SGCZ: variants seen among roughly 807,000 people sequenced by gnomAD.
SGCZ encodes zeta-sarcoglycan.
In SGCZ, 40 loss-of-function variants were observed where a neutral mutation model predicts 41.3. The observed-to-expected ratio is 0.97, with a 90% confidence interval of 0.75 to 1.26. The LOEUF is 1.26. SGCZ is among the 50% of genes most tolerant of loss of function. The pLI is 0.00. For synonymous variants in SGCZ, 206 were observed against 137.5 expected (o/e 1.50, Z -3.49); for missense variants, 552 against 369.8 (o/e 1.49, Z -4.04).
chr8:14,171,672 T>C (rs1303406198), intron 4 of SGCZ, among the ~76,000 whole-genome samples: 2 of 152,086 alleles, frequency 1.3e-5, no homozygotes, highest in Non-Finnish European at 2.9e-5. Context: ...TATTATCTCA[T>C]TAAAATGTTA....
intron 1 of SGCZ, among the ~76,000 whole-genome samples, chr8:15,083,663 C>T (rs2131049703): frequency 6.6e-6 from 1 of 152,306 alleles, no homozygotes; most frequent in South Asian, 2.1e-4. Context: ...ATCCTCCCAC[C>T]TCAGCCTCCA....
intron 1 of SGCZ, among the ~76,000 whole-genome samples, chr8:14,726,311 C>CATATATATAT (rs1202306930): frequency 0.078 from 8,341 of 106,450 alleles, 603 homozygotes; most frequent in Non-Finnish European, 0.11. Context: ...TGTGTAAATA[C>CATATATATAT]ATATATATAT....
At chr8:14,470,199 G>A (rs73188284) in intron 2 of SGCZ, among the ~76,000 whole-genome samples, 1,832 of 152,072 alleles carry the variant, frequency 0.012, 21 homozygotes, top group Non-Finnish European at 0.02. Flanking sequence ...TTCTCGCAAC[G>A]TTTGGTAACA....
intron 2 of SGCZ, among the ~76,000 whole-genome samples, chr8:14,494,179 T>A (rs1220867810): frequency 2.0e-5 from 3 of 152,090 alleles, no homozygotes; most frequent in African/African-American, 7.2e-5. Context: ...CACAGAAAAA[T>A]TTGGTGTTTA....
intron 1 of SGCZ, among the ~76,000 whole-genome samples, chr8:14,801,917 C>A (rs1801333474): frequency 6.6e-6 from 1 of 152,154 alleles, no homozygotes; most frequent in African/African-American, 2.4e-5. Context: ...GAAATCAAAT[C>A]CCAATCATAG....
chr8:15,211,709 T>C (rs914922784), intron 1 of SGCZ, among the ~76,000 whole-genome samples: 2 of 152,172 alleles, frequency 1.3e-5, no homozygotes, highest in East Asian at 3.9e-4. Context: ...GGACTGGTTC[T>C]AGTAATTATT....
intron 1 of SGCZ, among the ~76,000 whole-genome samples, chr8:14,923,463 T>C (rs1799650644): frequency 6.6e-6 from 1 of 152,196 alleles, no homozygotes; most frequent in South Asian, 2.1e-4. Flanking sequence ...TGAACTGAAA[T>C]GGTTCCCATA....
chr8:14,416,967 G>C (rs1040602824), intron 2 of SGCZ, among the ~76,000 whole-genome samples: 2 of 151,792 alleles, frequency 1.3e-5, no homozygotes, highest in Non-Finnish European at 2.9e-5. Context: ...CCAACATAAG[G>C]CAGGGTTATG....
intron 1 of SGCZ, among the ~76,000 whole-genome samples, chr8:14,768,201 CTT>C (rs1234412895): frequency 2.6e-5 from 4 of 152,190 alleles, no homozygotes; most frequent in Admixed American, 1.3e-4. Context: ...ACATTTCTGA[CTT>C]TATAAAATCC....
Position 14,088,104 on chromosome 8 carries a change from T to C in SGCZ, c.*2339A>G, listed in dbSNP as rs935372637. On this transcript the variant is annotated 3_prime_UTR_variant, in exon 8 of 8. Coordinates refer to ENST00000382080, the MANE Select transcript of SGCZ (RefSeq NM_139167.4). ...TTTCATCTTTTCTCCTCTTATGACA[T>C]ATAATTTAAAATTTCATTTTTCTCT... Among the ~76,000 whole-genome samples, 1 of 151,790 alleles carries C rather than the reference T, an allele frequency of 6.6e-6. No individual in the cohort carries two copies. Among genetic ancestry groups the C allele is most frequent in the African/African-American group, 2.4e-5 (1 of 41,412 alleles).
intron 5 of SGCZ, among the ~76,000 whole-genome samples, chr8:14,144,478 C>T (rs1803463285): frequency 6.6e-6 from 1 of 152,140 alleles, no homozygotes; most frequent in African/African-American, 2.4e-5. Flanking sequence ...TAGCAATACC[C>T]AGGAACTATG....
At chr8:15,187,702 T>G (rs1449032262) in intron 1 of SGCZ, among the ~76,000 whole-genome samples, 1 of 152,056 alleles carries the variant, frequency 6.6e-6, no homozygotes, top group Non-Finnish European at 1.5e-5. Flanking sequence ...CTTAAAAAAT[T>G]ATTTCTATTT....
rs1042629344 is a variant in SGCZ, at chr8:14,086,631, C to T, written c.*3812G>A. Among the ~76,000 whole-genome samples the T allele has an allele frequency of 3.3e-5, 5 of 151,550 alleles. No individual in the cohort carries two copies. The highest frequency in any genetic ancestry group is 4.8e-5 in the African/African-American group (2 of 41,356). ...CTAAACAGTCATTTTGAATAAGATC[C>T]AAATGCATTATTTTCCTTTTTAACG... On this transcript the variant is annotated 3_prime_UTR_variant, in exon 8 of 8. Transcript: ENST00000382080.
intron 1 of SGCZ, among the ~76,000 whole-genome samples, chr8:14,852,892 C>T (rs73201278): frequency 0.024 from 3,669 of 152,224 alleles, 64 homozygotes; most frequent in South Asian, 0.056. Flanking sequence ...TCTCCTGAAG[C>T]GTTAGCTCCT....
intron 2 of SGCZ, among the ~76,000 whole-genome samples, chr8:14,482,223 C>G (rs1801553752): frequency 6.6e-6 from 1 of 152,180 alleles, no homozygotes; most frequent in Non-Finnish European, 1.5e-5. Context: ...GGGTAACCAC[C>G]TTGAGCTGTG....
chr8:14,408,074 A>T (rs1799260244), intron 2 of SGCZ, among the ~76,000 whole-genome samples: 1 of 152,172 alleles, frequency 6.6e-6, no homozygotes, highest in Non-Finnish European at 1.5e-5. Flanking sequence ...ATGGGAATTC[A>T]CTTCCTTTTC....
intron 2 of SGCZ, among the ~76,000 whole-genome samples, chr8:14,355,548 A>G (rs1411239976): frequency 6.6e-6 from 1 of 152,052 alleles, no homozygotes; most frequent in Non-Finnish European, 1.5e-5. Flanking sequence ...GTTAATTTGT[A>G]AAACTCAATA....
intron 1 of SGCZ, among the ~76,000 whole-genome samples, chr8:15,119,254 G>A (rs971650172): frequency 1.3e-5 from 2 of 152,060 alleles, no homozygotes; most frequent in African/African-American, 4.8e-5. Flanking sequence ...CTCTTAGCGG[G>A]GTGCAGTGGC....
chr8:14,490,958 T>C (rs1013249735), intron 2 of SGCZ, among the ~76,000 whole-genome samples: 21 of 152,372 alleles, frequency 1.4e-4, no homozygotes, highest in African/African-American at 4.8e-4. Flanking sequence ...TAGTTTTATA[T>C]ACCGATATTC....
Sources: gnomAD v4.1 joint callset for allele counts (sites outside exome capture counted in the v4.1 genomes callset) on GRCh38, gnomAD v4.1.1 for gene constraint, MANE v1.5 for transcripts, NCBI Gene and HGNC (gene_info 2026-07-23, HGNC 2026-07-21) for gene names.